ANKFY1: variants seen among roughly 807,000 people sequenced by gnomAD.
ANKFY1 encodes the protein ankyrin repeat and FYVE domain-containing protein 1.
A neutral mutation model predicts 128.3 loss-of-function variants in ANKFY1; 47 were observed. The ratio of observed to expected loss-of-function variants is 0.37; its 90% CI spans 0.29 to 0.47. The LOEUF is 0.47. ANKFY1 is among the 20% of genes least tolerant of loss of function. The pLI is 1.00. For synonymous variants in ANKFY1, 553 were observed against 601.6 expected (o/e 0.92, Z 1.18); for missense variants, 1,222 against 1,510.6 (o/e 0.81, Z 3.17).
intron 4 of ANKFY1, among the ~76,000 whole-genome samples, chr17:4,213,262 T>C (rs1482051046): frequency 2.0e-5 from 3 of 151,744 alleles, no homozygotes; most frequent in Non-Finnish European, 4.4e-5. Flanking sequence ...TGATCTCGGC[T>C]CACTGCAACC....
intron 14 of ANKFY1, among the ~76,000 whole-genome samples, chr17:4,183,014 G>A (rs371769855): frequency 2.4e-4 from 36 of 152,262 alleles, no homozygotes; most frequent in Admixed American, 1.4e-3. Flanking sequence ...GCTGAGGCAC[G>A]AGAAATGCTT....
intron 24 of ANKFY1, chr17:4,168,878 A>C (rs924653540): frequency 3.2e-6 from 1 of 316,564 alleles, no homozygotes; most frequent in Non-Finnish European, 6.2e-6. Context: ...ACTGAGGCAC[A>C]CCATGAGGGC....
At chr17:4,186,920 A>G (rs905661206) in intron 11 of ANKFY1, 169 of 1,127,740 alleles carry the variant, frequency 1.5e-4, no homozygotes, top group Non-Finnish European at 1.7e-4. Flanking sequence ...TTCAAAAATC[A>G]CAATGGAATT....
chr17:4,204,969 G>A (rs1026063849), intron 7 of ANKFY1, among the ~76,000 whole-genome samples: 3 of 152,158 alleles, frequency 2.0e-5, no homozygotes, highest in Non-Finnish European at 4.4e-5. Flanking sequence ...TCCAGCACAT[G>A]GCTTATAAGG....
At position 4,239,388 on chromosome 17, in the gene ANKFY1, AC is replaced by A. The variant is rs1327603630; in HGVS notation, c.203+2867del. On this transcript the variant is annotated intron_variant, in intron 2 of 24. Transcript: ENST00000341657. ...AAAAAAAGACGATGGATTATATTTC[AC>A]AAGAAGCTACATCTATTCAATTTAT... Among the ~76,000 whole-genome samples, 12 of 152,356 alleles carry A rather than the reference AC, an allele frequency of 7.9e-5. No homozygotes were observed. In the South Asian group the frequency reaches 8.3e-4, roughly 11 times the overall value.
chr17:4,259,756 C>G (rs1383122921), intron 1 of ANKFY1, among the ~76,000 whole-genome samples: 1 of 152,176 alleles, frequency 6.6e-6, no homozygotes, highest in African/African-American at 2.4e-5. Context: ...GCAGGTGATG[C>G]TCAATAAATT....
chr17:4,170,688 T>G, intron 23 of ANKFY1, 27 bp downstream of exon 23: 3 of 1,591,196 alleles, frequency 1.9e-6, no homozygotes, highest in Non-Finnish European at 2.6e-6. Context: ...GTGCTTGCAC[T>G]GTGAGAGCAG....
rs368874388 is a variant in ANKFY1 at position 4,206,599 on chromosome 17, T to G, written c.733-113A>C. 43 of 968,874 alleles carry G rather than the reference T, an allele frequency of 4.4e-5. No homozygotes were observed. The South Asian group carries it at 4.6e-4, about 10-fold the overall frequency. 60.0% of individuals were successfully genotyped at this position (968,874 alleles called of 1,614,324 possible). ...CTCTTATACAAATGTCAAATTTAAGTGCTCCAACACTGCTTACTCCCCAAA... is the reference window on the plus strand; with the variant it reads ...CTCTTATACAAATGTCAAATTTAAGGGCTCCAACACTGCTTACTCCCCAAA... On this transcript the variant is annotated intron_variant, in intron 6 of 24. Transcript: ENST00000341657.
chr17:4,173,755 G>A (rs773205234), intron 20 of ANKFY1, among the ~76,000 whole-genome samples, 154 bp downstream of exon 20: 6 of 152,190 alleles, frequency 3.9e-5, no homozygotes, highest in African/African-American at 9.7e-5. Flanking sequence ...CTGGGCAGTC[G>A]CAGGTTGGAT....
At chr17:4,258,658 G>A (rs112524816) in intron 1 of ANKFY1, among the ~76,000 whole-genome samples, 1 of 152,218 alleles carries the variant, frequency 6.6e-6, no homozygotes, top group African/African-American at 2.4e-5. Context: ...CTATTAATCT[G>A]TGCTGTCCAT....
chr17:4,204,918 T>C (rs781297822), intron 7 of ANKFY1, among the ~76,000 whole-genome samples: 5 of 152,184 alleles, frequency 3.3e-5, no homozygotes, highest in Non-Finnish European at 7.3e-5. Context: ...TACCCAGTGA[T>C]GAGCAAAATT....
intron 1 of ANKFY1, among the ~76,000 whole-genome samples, chr17:4,244,173 C>T (rs1370723201): frequency 6.6e-6 from 1 of 152,178 alleles, no homozygotes; most frequent in Non-Finnish European, 1.5e-5. Context: ...TCAAGTGATC[C>T]ACCCACCTTG....
Position 4,166,222 on chromosome 17 carries a change from A to C in ANKFY1, c.*1557T>G, listed in dbSNP as rs1447118520. 1.3e-5 allele frequency: 2 copies of C among 152,256 alleles called. No homozygotes were observed. Among genetic ancestry groups the C allele is most frequent in the Non-Finnish European group, 2.9e-5 (2 of 68,042 alleles). The allele number at this position is 152,256 out of a possible 1,614,324, so 9.4% of individuals were successfully genotyped here. A position where few individuals can be genotyped will look rare whatever the true frequency, so the allele number is the denominator to read the frequency against. ...CATATTTAGGCAACAGAATGTATAA[A>C]TCTACCGCAATACAGAGGACACACT... On this transcript the variant is annotated 3_prime_UTR_variant, in exon 25 of 25. Transcript: ENST00000341657.
intron 1 of ANKFY1, among the ~76,000 whole-genome samples, chr17:4,245,761 A>AAAAAAAAAC (rs758076180): frequency 7.1e-6 from 1 of 140,518 alleles, no homozygotes. Flanking sequence ...AAAAAAAAAA[A>AAAAAAAAAC]CAACCAGCCA....
chr17:4,235,605 G>T (rs111353265), intron 3 of ANKFY1, among the ~76,000 whole-genome samples, 167 bp downstream of exon 3: 1 of 152,154 alleles, frequency 6.6e-6, no homozygotes, highest in African/African-American at 2.4e-5. Context: ...GTACCTAAAA[G>T]TACAACCTGC....
Position 4,179,829 on chromosome 17 carries a change from T to G in ANKFY1, c.2289A>C (p.Gly763=), listed in dbSNP as rs747993838. ...SPRQPGANGE[G]EEEARDGQTP... ...TCTGCCCATCTCTAGCCTCTTCCTC[T>G]CCTTCTCCATTGGCGCCTGGTTGTC... is the stretch of plus-strand genomic sequence containing the variant. The change falls in exon 17 of 25, where the codon GGA becomes GGC. Residue 763 remains glycine (G), a synonymous_variant. Transcript: ENST00000341657. 6.2e-7 allele frequency: 1 copy of G among 1,614,234 alleles called. No individual in the cohort carries two copies. Among genetic ancestry groups the G allele is most frequent in the Non-Finnish European group, 8.5e-7 (1 of 1,180,032 alleles).
intron 2 of ANKFY1, among the ~76,000 whole-genome samples, chr17:4,240,700 A>G (rs1163746196): frequency 6.6e-6 from 1 of 152,184 alleles, no homozygotes; most frequent in Non-Finnish European, 1.5e-5. Context: ...GCACATGTTA[A>G]TCTTCTTAAA....
chr17:4,178,675 G>C lies in ANKFY1; in HGVS notation c.2598+182C>G. On this transcript the variant is annotated intron_variant, in intron 18 of 24. Coordinates refer to ENST00000341657, the MANE Select transcript of ANKFY1 (RefSeq NM_001330063.2). The surrounding 1 kb of genome is among the most constrained non-coding windows in gnomAD (Gnocchi z 4.1). ...ACTGTCAGGCGCTGACACACAGGCA[G>C]AGGAGCCGGATCTCATCCTGCACGG... 1 of 641,612 alleles carries C rather than the reference G, an allele frequency of 1.6e-6. No homozygotes were observed. Among genetic ancestry groups the C allele is most frequent in the African/African-American group, 1.8e-5 (1 of 54,990 alleles). The allele number at this position is 641,612 out of a possible 1,614,324, so 39.7% of individuals were successfully genotyped here. A position where few individuals can be genotyped will look rare whatever the true frequency, so the allele number is the denominator to read the frequency against.
intron 3 of ANKFY1, chr17:4,222,878 T>C (rs1186100295): frequency 5.1e-6 from 5 of 984,754 alleles, no homozygotes; most frequent in Non-Finnish European, 8.2e-6. Context: ...ATCCGAGAGC[T>C]GACACACCCA....
Sources: allele counts gnomAD v4.1 joint callset (sites outside exome capture counted in the v4.1 genomes callset), GRCh38; gene constraint gnomAD v4.1.1; non-coding constraint Gnocchi (gnomAD v3.1); transcripts MANE v1.5; gene names NCBI Gene and HGNC (gene_info 2026-07-23, HGNC 2026-07-21).